TMEM40: variants seen among roughly 807,000 people sequenced by gnomAD.
The protein encoded by TMEM40 is transmembrane protein 40.
In TMEM40, 34 loss-of-function variants were observed where a neutral mutation model predicts 40.8. The observed-to-expected ratio is 0.83, with a 90% CI of 0.63 to 1.11. The LOEUF (loss-of-function observed/expected upper bound fraction) is 1.11. Among genes scored for constraint, TMEM40 ranks in the 50% least tolerant of loss-of-function variants. The pLI is 0.00. For missense variants in TMEM40, 296 were observed against 280.2 expected (o/e 1.06, Z -0.40); for synonymous variants, 106 against 107.0 (o/e 0.99, Z 0.06).
intron 1 of TMEM40, among the ~76,000 whole-genome samples, chr3:12,754,738 G>A (rs2061506065): frequency 6.6e-6 from 1 of 152,138 alleles, no homozygotes; most frequent in African/African-American, 2.4e-5. Context: ...CAAGAGAAGT[G>A]GCTTGGGGAG....
At chr3:12,767,056 G>C (rs1427620068) in intron 1 of TMEM40, among the ~76,000 whole-genome samples, 1 of 152,094 alleles carries the variant, frequency 6.6e-6, no homozygotes, top group Non-Finnish European at 1.5e-5. Context: ...CCTATGTCCA[G>C]AAAATATGCA....
intron 1 of TMEM40, among the ~76,000 whole-genome samples, chr3:12,751,861 G>A (rs941085721): frequency 7.2e-5 from 11 of 152,158 alleles, no homozygotes; most frequent in Non-Finnish European, 1.5e-5. Context: ...CAGATAGACC[G>A]AAGTTTACAA....
intron 1 of TMEM40, among the ~76,000 whole-genome samples, chr3:12,750,738 G>A (rs147322559): frequency 6.6e-6 from 1 of 152,262 alleles, no homozygotes; most frequent in Non-Finnish European, 1.5e-5. Flanking sequence ...ACGTGCCACT[G>A]TGGCCAGCCT....
intron 1 of TMEM40, among the ~76,000 whole-genome samples, chr3:12,751,499 C>T (rs182315480): frequency 2.9e-4 from 44 of 151,930 alleles, no homozygotes; most frequent in East Asian, 2.3e-3. Context: ...AGGCTGGTCT[C>T]GAACTCCTGA....
intron 10 of TMEM40, 139 bp downstream of exon 10, chr3:12,736,439 C>G (rs938975469): frequency 9.7e-7 from 1 of 1,036,124 alleles, no homozygotes; most frequent in Non-Finnish European, 1.4e-6. Context: ...CGTAAGCCAC[C>G]GCGCCTGGCC....
At chr3:12,764,294 T>C (rs1205637059) in intron 1 of TMEM40, among the ~76,000 whole-genome samples, 2 of 152,190 alleles carry the variant, frequency 1.3e-5, no homozygotes. Context: ...TTAAATTAAC[T>C]CTAAATTGGA....
chr3:12,765,909 G>A (rs1320155494), intron 1 of TMEM40, among the ~76,000 whole-genome samples: 1 of 151,884 alleles, frequency 6.6e-6, no homozygotes, highest in Non-Finnish European at 1.5e-5. Flanking sequence ...AGGCTGAAGT[G>A]CAGTGGGCAC....
chr3:12,750,762 A>G (rs754734742), intron 1 of TMEM40, among the ~76,000 whole-genome samples: 59 of 152,102 alleles, frequency 3.9e-4, no homozygotes, highest in Non-Finnish European at 6.8e-4. Context: ...ACTCATTTAA[A>G]CCATGTTTCT....
intron 1 of TMEM40, among the ~76,000 whole-genome samples, chr3:12,751,061 T>C (rs1428742497): frequency 3.3e-5 from 5 of 152,032 alleles, no homozygotes; most frequent in Non-Finnish European, 7.4e-5. Context: ...CATGGGCTAG[T>C]TACTTAATCC....
chr3:12,765,719 G>A lies in TMEM40; in HGVS notation c.-9+3532C>T, dbSNP rs371952802. Among the ~76,000 whole-genome samples, 6 of 151,846 alleles carry A rather than the reference G, an allele frequency of 4.0e-5. No homozygotes were observed. The East Asian group carries it at 9.7e-4, about 24-fold the overall frequency. On this transcript the variant is annotated intron_variant, in intron 1 of 11. Coordinates refer to the TMEM40 transcript ENST00000264728. ...TGAGTAGCTGGGACTACAGGCGCCTGCCACCACGCCCAGCTAATTTTTTGT... is the reference window on the plus strand; with the variant it reads ...TGAGTAGCTGGGACTACAGGCGCCTACCACCACGCCCAGCTAATTTTTTGT...
intron 4 of TMEM40, among the ~76,000 whole-genome samples, chr3:12,742,924 C>T (rs1442140129): frequency 2.6e-5 from 4 of 152,116 alleles, no homozygotes; most frequent in Admixed American, 1.3e-4. Context: ...AAATTATTTT[C>T]CCAAAGTCAT....
intron 7 of TMEM40, 156 bp from the exon 8 acceptor site, chr3:12,737,910 A>G (rs2271209): frequency 0.72 from 651,219 of 899,578 alleles, 239,728 homozygotes; most frequent in African/African-American, 0.95. Flanking sequence ...AGATGGGGGT[A>G]CTGTCCTTGG....
Position 12,736,744 on chromosome 3 carries a change from C to G in TMEM40, c.544+20G>C, listed in dbSNP as rs778984357. The G allele has an allele frequency of 6.2e-7, 1 of 1,614,072 alleles. No homozygotes were observed. On this transcript the variant is annotated intron_variant, in intron 9 of 11. Coordinates refer to ENST00000314124, the MANE Select transcript of TMEM40 (RefSeq NM_018306.4). The stretch of plus-strand genomic sequence containing the variant: ...CCCATGCCATCCCCCTTGTGCATTC[C>G]CCAGGGCACCTCCCCTCACCTGCGT...
At chr3:12,752,018 T>A (rs539469069) in intron 1 of TMEM40, among the ~76,000 whole-genome samples, 17 of 152,250 alleles carry the variant, frequency 1.1e-4, no homozygotes, top group African/African-American at 4.1e-4. Flanking sequence ...CCTCATGAAG[T>A]ACTCTTTCAA....
rs756545805 is a variant in TMEM40, at chr3:12,757,995, G to A, written c.-9+1196C>T. Among the ~76,000 whole-genome samples the A allele has an allele frequency of 5.5e-4, 83 of 151,726 alleles. 1 individual carries two copies. The highest frequency in any genetic ancestry group is 1.6e-3 in the Admixed American group (25 of 15,216). ...TGGGATTACATAGGTGAGCCATGGC[G>A]CCTGGCCCTGAATTATACACTTTTA... On this transcript the variant is annotated intron_variant, in intron 1 of 11. Coordinates refer to ENST00000314124, the MANE Select transcript of TMEM40 (RefSeq NM_018306.4).
intron 8 of TMEM40, chr3:12,737,431 T>A: frequency 1.9e-6 from 1 of 539,684 alleles, no homozygotes; most frequent in Non-Finnish European, 3.3e-6. Flanking sequence ...TGACTGTGCA[T>A]AGCAGAAAGA....
intron 5 of TMEM40, among the ~76,000 whole-genome samples, chr3:12,740,912 C>T (rs897402755): frequency 6.6e-6 from 1 of 151,660 alleles, no homozygotes; most frequent in African/African-American, 2.4e-5. Flanking sequence ...CCCAAAAAAC[C>T]ATTCTGTGAG....
At chr3:12,744,950 T>C (rs1381616056) in intron 3 of TMEM40, among the ~76,000 whole-genome samples, 1 of 152,268 alleles carries the variant, frequency 6.6e-6, no homozygotes. Flanking sequence ...ACTTCTATTT[T>C]CTTCTTTTCT....
At chr3:12,753,506 G>A (rs2061495053) in intron 1 of TMEM40, among the ~76,000 whole-genome samples, 1 of 151,962 alleles carries the variant, frequency 6.6e-6, no homozygotes, top group African/African-American at 2.4e-5. Flanking sequence ...TTACAGGCAT[G>A]AGCCACCACA....
Sources: allele counts gnomAD v4.1 joint callset (sites outside exome capture counted in the v4.1 genomes callset), GRCh38; gene constraint gnomAD v4.1.1; transcripts MANE v1.5; gene names NCBI Gene and HGNC (gene_info 2026-07-23, HGNC 2026-07-21).